DAXX: variants seen among roughly 807,000 people sequenced by gnomAD.
DAXX encodes the protein death domain associated protein.
A neutral mutation model predicts 61.9 loss-of-function variants in DAXX; 24 were observed. The ratio of observed to expected loss-of-function variants is 0.39; its 90% CI spans 0.28 to 0.55. The LOEUF is 0.55. Ranked by LOEUF, DAXX falls within the 20% of genes least tolerant of loss-of-function variation. The pLI, the probability that DAXX is intolerant of heterozygous loss-of-function variation, is 0.69. For synonymous variants in DAXX, 357 were observed against 369.5 expected, an observed-to-expected ratio of 0.97 and a Z score of 0.39; for missense variants, 819 against 935.3, an observed-to-expected ratio of 0.88 and a Z score of 1.62.
intron 5 of DAXX, 38 bp from the exon 6 acceptor site, chr6:33,319,892 T>A: frequency 6.3e-7 from 1 of 1,594,636 alleles, no homozygotes; most frequent in Non-Finnish European, 8.5e-7. Context: ...AGCCTGAGAA[T>A]GAGGGGGAAA....
chr6:33,322,190 C>T lies in DAXX; in HGVS notation c.-52-213G>A, dbSNP rs1343444554. 3.3e-5 allele frequency among the ~76,000 whole-genome samples: 5 copies of T among 150,310 alleles called. No homozygotes were observed. The South Asian group carries it at 6.3e-4, about 19-fold the overall frequency. ...CAAACCACCCCCACACCTTAAGTTGCCACCTTCTGCTCCACCCCTCACGTC... is the reference window on the plus strand; with the variant it reads ...CAAACCACCCCCACACCTTAAGTTGTCACCTTCTGCTCCACCCCTCACGTC... On this transcript the variant is annotated intron_variant, in intron 1 of 7. Coordinates refer to ENST00000374542, the MANE Select transcript of DAXX (RefSeq NM_001141969.2).
Position 33,321,207 on chromosome 6 carries a change from G to A in DAXX, c.568C>T (p.Arg190Cys), listed in dbSNP as rs1380709730. 2.5e-6 allele frequency: 4 copies of A among 1,612,052 alleles called. No individual in the cohort carries two copies. The highest frequency in any genetic ancestry group is 2.5e-6 in the Non-Finnish European group (3 of 1,178,192). Reference sequence around the variant, plus strand: ...TAGAGCGCCAGCAGCTGCTCCAAACGCTGGATCTGCCGCCGGGAACCACGG... The same window carrying A: ...TAGAGCGCCAGCAGCTGCTCCAAACACTGGATCTGCCGCCGGGAACCACGG... ...RTRGSRRQIQ[R>C]LEQLLALYVA... Residue 190 changes from arginine (R) to cysteine (C), a missense_variant, in exon 3 of 8, where the codon CGT (arginine) becomes TGT (cysteine). Transcript: ENST00000374542. The surrounding 1 kb of genome is among the most constrained non-coding windows in gnomAD (Gnocchi z 7.2).
chr6:33,319,456 A>C lies in DAXX; in HGVS notation c.1864T>G (p.Trp622Gly). 1.9e-6 allele frequency: 3 copies of C among 1,613,716 alleles called. No homozygotes were observed. The highest frequency in any genetic ancestry group is 8.5e-7 in the Non-Finnish European group (1 of 1,180,024). ...TTGCAGGGGGGACCAGAATCTCCCC[A>C]GTTGTGAGGAGAGACGCCTCCATTG... ...SFNGGVSPHN[W>G]GDSGPPCKKS... The change falls in exon 6 of 8, where the codon TGG becomes GGG. Residue 622 changes from tryptophan (W) to glycine (G), a missense_variant. By Grantham distance (184) the Trp-to-Gly change is radical (BLOSUM62 -2). Transcript: ENST00000374542.
At position 33,320,822 on chromosome 6, in the gene DAXX, C is replaced by T. The variant is rs1770496044; in HGVS notation, c.953G>A (p.Arg318Gln). The T allele has an allele frequency of 1.2e-6, 2 of 1,614,158 alleles. No individual in the cohort carries two copies. Among genetic ancestry groups the T allele is most frequent in the Non-Finnish European group, 1.7e-6 (2 of 1,180,040 alleles). Residue 318 changes from arginine (R) to glutamine (Q), a missense_variant, in exon 3 of 8, where the codon CGA (arginine) becomes CAA (glutamine). Transcript: ENST00000374542. This position sits in a 1 kb window ranked among gnomAD's most constrained non-coding sequence, Gnocchi z 7.1. Reference sequence around the variant, plus strand: ...CTCCTGTAACCTGATGCCCACATCTCGGAAGGCATCCTGAGCCATGAGCTG... The same window carrying T: ...CTCCTGTAACCTGATGCCCACATCTTGGAAGGCATCCTGAGCCATGAGCTG... ...QLQLMAQDAF[R>Q]DVGIRLQERR...
At chr6:33,322,752 A>C in intron 1 of DAXX, 110 bp downstream of exon 1, 2 of 363,138 alleles carry the variant, frequency 5.5e-6, no homozygotes. Flanking sequence ...CCTTTCAGGG[A>C]CAGGAAGGTA....
Position 33,320,234 on chromosome 6 carries a change from A to T in DAXX, c.1252-10T>A. The T allele has an allele frequency of 6.3e-7, 1 of 1,598,956 alleles. No homozygotes were observed. Among genetic ancestry groups the T allele is most frequent in the Non-Finnish European group, 8.6e-7 (1 of 1,166,456 alleles). ...CCATTCCACTAGGGCCCTGGGAGAC[A>T]AAGAAGTTTCTCTAAGGAATCCCTT... On this transcript the variant is annotated splice_polypyrimidine_tract_variant and intron_variant, in intron 4 of 7. Transcript: ENST00000374542. The surrounding 1 kb of genome is among the most constrained non-coding windows in gnomAD (Gnocchi z 7.1).
rs1310479893 is a variant in DAXX at position 33,320,793 on chromosome 6, G to A, written c.982C>T (p.Arg328Cys). 2 of 1,614,166 alleles carry A rather than the reference G, an allele frequency of 1.2e-6. No homozygotes were observed. Among genetic ancestry groups the A allele is most frequent in the South Asian group, 1.1e-5 (1 of 91,068 alleles). The change falls in exon 3 of 8, where the codon CGT (arginine) becomes TGT (cysteine). Residue 328 changes from arginine to cysteine, a missense_variant. Transcript: ENST00000374542. This position sits in a 1 kb window ranked among gnomAD's most constrained non-coding sequence, Gnocchi z 7.1. ...RDVGIRLQER[R>C]HLDLIYNFGC... Reference sequence around the variant, plus strand: ...AAGTTGTAGATGAGATCGAGGTGACGTCGCTCCTGTAACCTGATGCCCACA... The same window carrying A: ...AAGTTGTAGATGAGATCGAGGTGACATCGCTCCTGTAACCTGATGCCCACA...
chr6:33,321,063 G>A lies in DAXX; in HGVS notation c.712C>T (p.Arg238Ter), dbSNP rs1402930433. 2 of 1,613,528 alleles carry A rather than the reference G, an allele frequency of 1.2e-6. No homozygotes were observed. Among genetic ancestry groups the A allele is most frequent in the South Asian group, 1.1e-5 (1 of 91,066 alleles). ...GAGCAGTCTTTCAGCTCACATAGTC[G>A]CCCAAAGAGGCGGATCAGCTTACGC... is the stretch of plus-strand genomic sequence containing the variant. Reference protein sequence around the residue: ...LKRKLIRLFGRLCELKDCSSL... With the variant: ...LKRKLIRLFG The change falls in exon 3 of 8, where the codon CGA becomes TGA. Residue 238 changes from arginine (R) to a stop codon, truncating the protein, a stop_gained. Transcript: ENST00000374542. LOFTEE classifies it high-confidence loss of function. This position sits in a 1 kb window ranked among gnomAD's most constrained non-coding sequence, Gnocchi z 7.2.
At chr6:33,318,839 T>C in intron 7 of DAXX, 37 bp from the exon 8 acceptor site, 1 of 1,351,864 alleles carries the variant, frequency 7.4e-7, no homozygotes, top group Non-Finnish European at 1.0e-6. Context: ...CAAAGAGATC[T>C]GGAGTACAGG....
Position 33,318,590 on chromosome 6 carries a change from T to C in DAXX, c.*153A>G, listed in dbSNP as rs1332327039. 2 of 453,920 alleles carry C rather than the reference T, an allele frequency of 4.4e-6. No homozygotes were observed. The highest frequency in any genetic ancestry group is 7.8e-6 in the Non-Finnish European group (2 of 255,608). The allele number at this position is 453,920 out of a possible 1,614,324, so 28.1% of individuals were successfully genotyped here. On this transcript the variant is annotated 3_prime_UTR_variant, in exon 8 of 8. Coordinates refer to ENST00000374542, the MANE Select transcript of DAXX (RefSeq NM_001141969.2). ...AGAAAAGAACTTTATTGTTTATTAATGTTTCTGTGTAAAACTTAAGCTTTT... is the reference window on the plus strand; with the variant it reads ...AGAAAAGAACTTTATTGTTTATTAACGTTTCTGTGTAAAACTTAAGCTTTT...
rs142046285 is a variant in DAXX, at chr6:33,321,868, C to T, written c.58G>A (p.Ala20Thr). The change falls in exon 2 of 8, where the codon GCT becomes ACT. Residue 20 changes from alanine to threonine, a missense_variant. Physicochemically the swap from Ala to Thr is moderately conservative, Grantham distance 58. Coordinates refer to ENST00000374542, the MANE Select transcript of DAXX (RefSeq NM_001141969.2). The surrounding 1 kb of genome is among the most constrained non-coding windows in gnomAD (Gnocchi z 7.2). ...AGTGGGTGGGAGGGCCCTGGCTGAG[C>T]AGCTGCTTCATCTTCGTCATCATCA... ...LDDDDEDEAAAQPGPSHPLPN... is the reference protein window; with the variant it reads ...LDDDDEDEAATQPGPSHPLPN... The T allele has an allele frequency of 9.9e-5, 159 of 1,612,432 alleles. No homozygotes were observed. The highest frequency in any genetic ancestry group is 1.2e-4 in the Non-Finnish European group (138 of 1,179,324).
At chr6:33,318,887 G>T in intron 7 of DAXX, 85 bp from the exon 8 acceptor site, 1 of 1,265,014 alleles carries the variant, frequency 7.9e-7, no homozygotes, top group Non-Finnish European at 1.1e-6. Context: ...TAAAATGGGT[G>T]GGAAAAAGGA....
rs763703003 is a variant in DAXX, at chr6:33,321,487, G to C, written c.288C>G (p.His96Gln). Residue 96 changes from histidine (H) to glutamine (Q), a missense_variant, in exon 3 of 8, where the codon CAC (histidine) becomes CAG (glutamine). Coordinates refer to ENST00000374542, the MANE Select transcript of DAXX (RefSeq NM_001141969.2). The surrounding 1 kb of genome is among the most constrained non-coding windows in gnomAD (Gnocchi z 7.2). ...ACTCCGCCGAGGCCAAAAACAGAGAGTGGGCACGTTGCTGCCGGTTATAGA... is the reference window on the plus strand; with the variant it reads ...ACTCCGCCGAGGCCAAAAACAGAGACTGGGCACGTTGCTGCCGGTTATAGA... ...PFLYNRQQRAHSLFLASAEFC... is the reference protein window; with the variant it reads ...PFLYNRQQRAQSLFLASAEFC... The C allele has an allele frequency of 2.5e-6, 4 of 1,614,142 alleles. No homozygotes were observed. In the South Asian group the frequency reaches 4.4e-5, roughly 18 times the overall value.
In DAXX at chr6:33,320,336, A is replaced by AG. The variant is rs763521183; in HGVS notation, c.1251+43dup. 8.7e-6 allele frequency: 13 copies of AG among 1,487,744 alleles called. No individual in the cohort carries two copies. The South Asian group carries it at 1.5e-4, about 17-fold the overall frequency. 92.2% of individuals were successfully genotyped at this position (1,487,744 alleles called of 1,614,324 possible). ...ACCTGGACTCCCTGGTGGCCAGTGC[A>AG]GGGGAAGGACAATGTCTCTCTGAAG... On this transcript the variant is annotated intron_variant, in intron 4 of 7. Transcript: ENST00000374542. The surrounding 1 kb of genome is among the most constrained non-coding windows in gnomAD (Gnocchi z 7.1).
At position 33,319,173 on chromosome 6, in the gene DAXX, T is replaced by C; in HGVS notation, c.1987A>G (p.Ile663Val). 6.2e-7 allele frequency: 1 copy of C among 1,612,096 alleles called. No individual in the cohort carries two copies. The highest frequency in any genetic ancestry group is 8.5e-7 in the Non-Finnish European group (1 of 1,178,582). The change falls in exon 7 of 8, where the codon ATA becomes GTA. Residue 663 changes from isoleucine (I) to valine (V), a missense_variant. Transcript: ENST00000374542. ...GAAGGTGGGCTGGGCAGGGTACATA[T>C]CTTTTTCCCATTCTTCTCATGCACT... ...RSVHEKNGKK[I>V]CTLPSPPSPL...
chr6:33,320,997 G>C lies in DAXX; in HGVS notation c.778C>G (p.Arg260Gly). The C allele has an allele frequency of 3.1e-6, 5 of 1,613,862 alleles. No homozygotes were observed. The highest frequency in any genetic ancestry group is 4.2e-6 in the Non-Finnish European group (5 of 1,179,732). The change falls in exon 3 of 8, where the codon CGT (arginine) becomes GGT (glycine). Residue 260 changes from arginine to glycine, a missense_variant. Coordinates refer to ENST00000374542, the MANE Select transcript of DAXX (RefSeq NM_001141969.2). This position sits in a 1 kb window ranked among gnomAD's most constrained non-coding sequence, Gnocchi z 7.1. ...TTAACCTCTGGGTAGCGGGTGCCACGGTAGGGGATGCGCTGCTCTATGACA... is the reference window on the plus strand; with the variant it reads ...TTAACCTCTGGGTAGCGGGTGCCACCGTAGGGGATGCGCTGCTCTATGACA... ...GRVIEQRIPYRGTRYPEVNRR... is the reference protein window; with the variant it reads ...GRVIEQRIPYGGTRYPEVNRR...
At position 33,321,662 on chromosome 6, in the gene DAXX, G is replaced by A. The variant is rs1020032633; in HGVS notation, c.207+57C>T. 6.9e-6 allele frequency: 11 copies of A among 1,600,990 alleles called. No individual in the cohort carries two copies. The highest frequency in any genetic ancestry group is 2.7e-5 in the African/African-American group (2 of 74,680). On this transcript the variant is annotated intron_variant, in intron 2 of 7. Coordinates refer to ENST00000374542, the MANE Select transcript of DAXX (RefSeq NM_001141969.2). This position sits in a 1 kb window ranked among gnomAD's most constrained non-coding sequence, Gnocchi z 7.2. ...GGTTAGTGGGAAAGAAAGGACAGGA[G>A]AACCAGTCAGCCATCCCCCTCCCTG...
rs112834360 is a variant in DAXX at position 33,322,860 on chromosome 6, A to G, written c.-53+2T>C. ...CTGATCCCCGCACCGTCCGGCCCCC[A>G]CCTCAGAAACCGTCTCTCGAGGCGA... On this transcript the variant is annotated splice_donor_variant, in intron 1 of 7. Coordinates refer to ENST00000374542, the MANE Select transcript of DAXX (RefSeq NM_001141969.2). LOFTEE classifies it low-confidence loss of function (5UTR_SPLICE). 1 of 1,068,054 alleles carries G rather than the reference A, an allele frequency of 9.4e-7. No individual in the cohort carries two copies. Among genetic ancestry groups the G allele is most frequent in the Non-Finnish European group, 1.2e-6 (1 of 839,924 alleles). The allele number at this position is 1,068,054 out of a possible 1,614,324, so 66.2% of individuals were successfully genotyped here.
chr6:33,319,932 G>GAA, intron 5 of DAXX, 78 bp from the exon 6 acceptor site: 1 of 1,602,314 alleles, frequency 6.2e-7, no homozygotes, highest in Non-Finnish European at 8.5e-7. Context: ...CTAGGAGGAG[G>GAA]AAGGGAAAGG....
Sources: allele counts gnomAD v4.1 joint callset (sites outside exome capture counted in the v4.1 genomes callset), GRCh38; gene constraint gnomAD v4.1.1; non-coding constraint Gnocchi (gnomAD v3.1); transcripts MANE v1.5; gene names NCBI Gene and HGNC (gene_info 2026-07-23, HGNC 2026-07-21).